GPR158: variants seen among roughly 807,000 people sequenced by gnomAD.
GPR158 encodes G protein-coupled receptor 158, also known as metabotropic glycine receptor.
GPR158 carries 30 observed loss-of-function variants against 78.2 expected under a neutral mutation model. That is an observed-to-expected ratio of 0.38 (90% CI 0.29 to 0.52). The LOEUF is 0.52. Ranked by LOEUF, GPR158 falls within the 20% of genes least tolerant of loss-of-function variation. The pLI, the probability that GPR158 is intolerant of heterozygous loss-of-function variation, is 0.83. For synonymous variants in GPR158, 581 were observed against 591.1 expected (o/e 0.98, Z 0.25); for missense variants, 1,463 against 1,523.5 (o/e 0.96, Z 0.66).
At chr10:25,205,233 G>A in intron 1 of GPR158, among the ~76,000 whole-genome samples, 1 of 149,792 alleles carries the variant, frequency 6.7e-6, no homozygotes. Flanking sequence ...GACTAATACA[G>A]TCCCCTTTGT....
At chr10:25,354,616 G>A (rs960929676) in intron 2 of GPR158, among the ~76,000 whole-genome samples, 5 of 152,038 alleles carry the variant, frequency 3.3e-5, no homozygotes, top group Non-Finnish European at 5.9e-5. Flanking sequence ...CAGTGTTAGA[G>A]TATTCTTGGC....
chr10:25,323,919 A>G (rs1399204146), intron 2 of GPR158, among the ~76,000 whole-genome samples: 4 of 151,908 alleles, frequency 2.6e-5, no homozygotes, highest in South Asian at 4.2e-4. Context: ...CTTTCCTTAA[A>G]CCTCGTGAAC....
intron 4 of GPR158, among the ~76,000 whole-genome samples, chr10:25,422,430 G>T (rs1361302624): frequency 1.3e-5 from 2 of 151,968 alleles, no homozygotes; most frequent in African/African-American, 4.8e-5. Flanking sequence ...ATGATCTGAG[G>T]TGGAAAAGTT....
chr10:25,299,234 G>A (rs528487116), intron 2 of GPR158, among the ~76,000 whole-genome samples: 8 of 152,272 alleles, frequency 5.3e-5, no homozygotes, highest in African/African-American at 1.4e-4. Flanking sequence ...AAGTGGGTGT[G>A]TGTGTGTGTG....
At chr10:25,241,187 TTCC>T (rs1289435054) in intron 2 of GPR158, among the ~76,000 whole-genome samples, 4 of 112,232 alleles carry the variant, frequency 3.6e-5, no homozygotes, top group South Asian at 5.9e-4. Flanking sequence ...CTTTCTTTCT[TTCC>T]TTTCTTTCTT....
rs534709778 is a variant in GPR158 at position 25,292,952 on chromosome 10, C to T, written c.1008+71795C>T. On this transcript the variant is annotated intron_variant, in intron 2 of 10. Transcript: ENST00000376351. ...GTTATAAGACAATGGAAGGAGAGAT[C>T]AGTCACAGGGAGTTGGATGTGATTT... Among the ~76,000 whole-genome samples, 4 of 152,230 alleles carry T rather than the reference C, an allele frequency of 2.6e-5. No homozygotes were observed. The South Asian group carries it at 8.3e-4, about 32-fold the overall frequency.
intron 1 of GPR158, among the ~76,000 whole-genome samples, chr10:25,187,622 G>A (rs979224053): frequency 5.3e-5 from 8 of 152,232 alleles, no homozygotes; most frequent in African/African-American, 1.9e-4. Flanking sequence ...AGGTATTGAT[G>A]GGATGTATCT....
At chr10:25,364,718 A>G (rs540683081) in intron 2 of GPR158, among the ~76,000 whole-genome samples, 3 of 151,956 alleles carry the variant, frequency 2.0e-5, no homozygotes, top group African/African-American at 7.2e-5. Flanking sequence ...AATCTGTCTT[A>G]TTAAAGTCTA....
chr10:25,227,892 T>C (rs915211493), intron 2 of GPR158, among the ~76,000 whole-genome samples: 2 of 152,162 alleles, frequency 1.3e-5, no homozygotes, highest in Non-Finnish European at 2.9e-5. Flanking sequence ...AGGAATTTAT[T>C]TATTGGATTG....
chr10:25,412,434 C>T lies in GPR158; in HGVS notation c.1296C>T (p.Phe432=), dbSNP rs1219324824. 5 of 1,613,990 alleles carry T rather than the reference C, an allele frequency of 3.1e-6. No homozygotes were observed. Among genetic ancestry groups the T allele is most frequent in the East Asian group, 2.2e-5 (1 of 44,878 alleles). ...SFQALCMLLD[F]VSMLVVYHFR... ...AAGCCCTGTGTATGCTGCTCGACTT[C>T]GTTAGCATGCTGGTGGTCTACCACT... Residue 432 remains phenylalanine (F), a synonymous_variant, in exon 4 of 11, where the codon TTC becomes TTT. Coordinates refer to ENST00000376351, the MANE Select transcript of GPR158 (RefSeq NM_020752.3).
chr10:25,596,889 CATGTTTGTGCATGTAT>C (rs1837416036), intron 10 of GPR158, 100 bp downstream of exon 10: 1 of 879,074 alleles, frequency 1.1e-6, no homozygotes, highest in South Asian at 1.6e-5. Context: ...CATGTACACT[CATGTTTGTGCATGTAT>C]GTCTCAGAAA....
At chr10:25,259,617 A>G (rs987978254) in intron 2 of GPR158, among the ~76,000 whole-genome samples, 8 of 152,178 alleles carry the variant, frequency 5.3e-5, no homozygotes, top group Non-Finnish European at 1.0e-4. Flanking sequence ...CTTAAAAATC[A>G]TATTGTCAAG....
At chr10:25,466,409 T>G in intron 4 of GPR158, 1 of 386,798 alleles carries the variant, frequency 2.6e-6, no homozygotes, top group Non-Finnish European at 4.6e-6. Context: ...ATGATACAAA[T>G]TTTAGAGAAC....
intron 2 of GPR158, among the ~76,000 whole-genome samples, chr10:25,283,270 C>T (rs1854301589): frequency 6.6e-6 from 1 of 151,984 alleles, no homozygotes; most frequent in Non-Finnish European, 1.5e-5. Flanking sequence ...TAAGTTGTCA[C>T]ATTTATGGGC....
intron 6 of GPR158, among the ~76,000 whole-genome samples, chr10:25,557,745 A>C (rs1836803958): frequency 6.6e-6 from 1 of 152,234 alleles, no homozygotes; most frequent in Non-Finnish European, 1.5e-5. Context: ...GCATACTGAC[A>C]AGACATGTTT....
At chr10:25,520,917 T>C (rs1172927536) in intron 5 of GPR158, among the ~76,000 whole-genome samples, 1 of 152,196 alleles carries the variant, frequency 6.6e-6, no homozygotes, top group Non-Finnish European at 1.5e-5. Context: ...CCGGCTTCTT[T>C]GTTTACCTAA....
intron 1 of GPR158, among the ~76,000 whole-genome samples, chr10:25,210,313 T>C (rs979891117): frequency 1.3e-5 from 2 of 152,224 alleles, no homozygotes; most frequent in Non-Finnish European, 2.9e-5. Context: ...CCAATCCGTT[T>C]CTCTACTGCT....
chr10:25,411,460 C>G (rs576145819), intron 3 of GPR158, among the ~76,000 whole-genome samples: 6 of 152,222 alleles, frequency 3.9e-5, no homozygotes, highest in East Asian at 3.9e-4. Context: ...AATTAAGGAG[C>G]AGTCAAAGTC....
chr10:25,461,482 G>C (rs1564461704), intron 4 of GPR158, among the ~76,000 whole-genome samples: 1 of 152,144 alleles, frequency 6.6e-6, no homozygotes, highest in Non-Finnish European at 1.5e-5. Flanking sequence ...TTCTGTGAAG[G>C]CTGAGAGAGT....
Sources: allele counts gnomAD v4.1 joint callset (sites outside exome capture counted in the v4.1 genomes callset), GRCh38; gene constraint gnomAD v4.1.1; transcripts MANE v1.5; gene names NCBI Gene and HGNC (gene_info 2026-07-23, HGNC 2026-07-21).